The following RAB3GAP1 variants were observed in gnomAD, a reference collection of about 807,000 sequenced individuals.
The protein encoded by RAB3GAP1 is RAB3 GTPase activating protein catalytic subunit 1, also known as rab3 GTPase-activating protein catalytic subunit.
RAB3GAP1 carries 86 observed loss-of-function variants against 130.7 expected under a neutral mutation model. The ratio of observed to expected loss-of-function variants is 0.66; its 90% confidence interval spans 0.55 to 0.79. The LOEUF (loss-of-function observed/expected upper bound fraction) is 0.79. Ranked by LOEUF, RAB3GAP1 falls within the 30% of genes least tolerant of loss-of-function variation. The pLI is 0.00. For synonymous variants in RAB3GAP1, 367 were observed against 401.7 expected (o/e 0.91, Z 1.03); for missense variants, 1,029 against 1,169.4 (o/e 0.88, Z 1.75).
Position 135,168,710 on chromosome 2 carries a change from A to G in RAB3GAP1, c.2875A>G (p.Met959Val). 6.2e-7 allele frequency: 1 copy of G among 1,614,132 alleles called. No individual in the cohort carries two copies. The highest frequency in any genetic ancestry group is 1.1e-5 in the South Asian group (1 of 91,070). ...APYSKALPQR[M>V]YSVLTKEDFR... ...CTACTCCAAAGCTCTGCCTCAGCGG[A>G]TGTACAGTGTTCTCACCAAAGAGGA... is the stretch of plus-strand genomic sequence containing the variant. The change falls in exon 24 of 24, where the codon ATG (methionine) becomes GTG (valine). Residue 959 changes from methionine to valine, a missense_variant. Transcript: ENST00000264158.
chr2:135,132,375 A>G (rs1448146275), intron 13 of RAB3GAP1, among the ~76,000 whole-genome samples: 2 of 152,128 alleles, frequency 1.3e-5, no homozygotes, highest in African/African-American at 4.8e-5. Context: ...GAAAAGGTAC[A>G]TTGGTTATTA....
chr2:135,057,973 G>T (rs375273214), intron 2 of RAB3GAP1, 38 bp from the exon 3 acceptor site: 1 of 1,370,354 alleles, frequency 7.3e-7, no homozygotes, highest in Non-Finnish European at 1.0e-6. Flanking sequence ...GAAAAAAGGT[G>T]TGCTGTTGTA....
rs1386882231 is a variant in RAB3GAP1 at position 135,108,510 on chromosome 2, T to C, written c.363-4641T>C. Among the ~76,000 whole-genome samples the C allele has an allele frequency of 1.6e-4, 24 of 150,120 alleles. No homozygotes were observed. In the Admixed American group the frequency reaches 1.6e-3, roughly 10 times the overall value. ...GGGTGAGGTGTCTGGTTGAAGTCTT[T>C]GGGGCTTTTTTTTTTTTTTAGCTTC... On this transcript the variant is annotated intron_variant, in intron 5 of 23. Transcript: ENST00000264158.
chr2:135,054,970 A>G (rs1027858050), intron 2 of RAB3GAP1, among the ~76,000 whole-genome samples: 6 of 152,240 alleles, frequency 3.9e-5, no homozygotes, highest in African/African-American at 1.2e-4. Context: ...AGAGAACTGT[A>G]TAGAAGCCCA....
intron 3 of RAB3GAP1, chr2:135,058,797 T>A (rs1377327275): frequency 6.6e-6 from 1 of 152,166 alleles, no homozygotes; most frequent in African/African-American, 2.4e-5. Context: ...ATGTAGATGC[T>A]TAGTTTGTTA....
At chr2:135,118,843 C>T (rs1279958247) in intron 7 of RAB3GAP1, among the ~76,000 whole-genome samples, 3 of 151,960 alleles carry the variant, frequency 2.0e-5, no homozygotes, top group Non-Finnish European at 2.9e-5. Context: ...AACCTCCAGT[C>T]CCATACCTTC....
intron 3 of RAB3GAP1, among the ~76,000 whole-genome samples, chr2:135,064,120 T>A (rs1170650631): frequency 1.3e-5 from 2 of 152,174 alleles, no homozygotes; most frequent in Non-Finnish European, 2.9e-5. Flanking sequence ...TTTTGAGATT[T>A]TTTTATTTAA....
At chr2:135,114,253 C>T (rs1485430320) in intron 6 of RAB3GAP1, among the ~76,000 whole-genome samples, 1 of 152,122 alleles carries the variant, frequency 6.6e-6, no homozygotes, top group Non-Finnish European at 1.5e-5. Flanking sequence ...CCTTTAGGCC[C>T]TATTCTTAAA....
rs189501649 is a variant in RAB3GAP1, at chr2:135,122,825, G to T, written c.749-1340G>T. ...CAACCTCTGCCTCCTGGGTTCAAGC[G>T]ATTCTCTTGCCTCAGCCTCAGCCTC... On this transcript the variant is annotated intron_variant, in intron 8 of 23. Coordinates refer to ENST00000264158, the MANE Select transcript of RAB3GAP1 (RefSeq NM_012233.3). Among the ~76,000 whole-genome samples the T allele has an allele frequency of 1.1e-3, 170 of 152,168 alleles. 1 individual carries two copies. Among genetic ancestry groups the T allele is most frequent in the African/African-American group, 4.0e-3 (165 of 41,528 alleles).
chr2:135,058,204 A>C, intron 3 of RAB3GAP1, 118 bp downstream of exon 3: 1 of 820,482 alleles, frequency 1.2e-6, no homozygotes, highest in East Asian at 2.7e-5. Flanking sequence ...CGTATAATCT[A>C]TAAACATCAA....
intron 3 of RAB3GAP1, among the ~76,000 whole-genome samples, chr2:135,083,323 G>A (rs1689881837): frequency 6.6e-6 from 1 of 152,002 alleles, no homozygotes; most frequent in Non-Finnish European, 1.5e-5. Context: ...TCTTTTAGCT[G>A]TATATCTAGG....
intron 5 of RAB3GAP1, among the ~76,000 whole-genome samples, chr2:135,111,799 A>G (rs1690807782): frequency 6.6e-6 from 1 of 152,102 alleles, no homozygotes; most frequent in Admixed American, 6.6e-5. Flanking sequence ...ATTTCTTTAT[A>G]CTTAAAATGT....
At chr2:135,172,755 G>A (rs889657273), downstream of RAB3GAP1, among the ~76,000 whole-genome samples, 2 of 152,166 alleles carry the variant, frequency 1.3e-5, no homozygotes, top group Non-Finnish European at 2.9e-5. Context: ...ATTTGAGCTT[G>A]GGCCATGTTA....
chr2:135,106,040 C>T (rs1163357302), intron 5 of RAB3GAP1, among the ~76,000 whole-genome samples: 4 of 151,526 alleles, frequency 2.6e-5, no homozygotes, highest in Admixed American at 6.6e-5. Context: ...GCCCGGCAGC[C>T]GCCCCATCTG....
At chr2:135,087,878 A>G (rs1690031282) in intron 3 of RAB3GAP1, among the ~76,000 whole-genome samples, 2 of 152,144 alleles carry the variant, frequency 1.3e-5, no homozygotes, top group Non-Finnish European at 1.5e-5. Flanking sequence ...CTCAAAGGTA[A>G]TTTTTAATGA....
chr2:135,160,397 C>T (rs1378406741), intron 19 of RAB3GAP1, among the ~76,000 whole-genome samples: 3 of 151,948 alleles, frequency 2.0e-5, no homozygotes, highest in Non-Finnish European at 4.4e-5. Context: ...TGCGGCCGGG[C>T]GCGGTGGCTC....
At chr2:135,134,123 G>A (rs1691620102) in intron 15 of RAB3GAP1, 90 bp downstream of exon 15, 1 of 1,460,532 alleles carries the variant, frequency 6.8e-7, no homozygotes, top group South Asian at 1.2e-5. Context: ...CTTCTAGGAA[G>A]TCTGCCCTAA....
At chr2:135,073,390 A>G (rs565870110) in intron 3 of RAB3GAP1, among the ~76,000 whole-genome samples, 6 of 152,278 alleles carry the variant, frequency 3.9e-5, no homozygotes, top group Admixed American at 6.5e-5. Context: ...GTTGATGCCA[A>G]TGTCTGATTT....
At chr2:135,072,421 C>A (rs924925193) in intron 3 of RAB3GAP1, among the ~76,000 whole-genome samples, 25 of 152,144 alleles carry the variant, frequency 1.6e-4, no homozygotes, top group African/African-American at 4.8e-4. Context: ...ATCAAAAAGG[C>A]AAAAAACCTT....
Sources: allele counts gnomAD v4.1 joint callset (sites outside exome capture counted in the v4.1 genomes callset), GRCh38; gene constraint gnomAD v4.1.1; transcripts MANE v1.5; gene names NCBI Gene and HGNC (gene_info 2026-07-23, HGNC 2026-07-21).